ERG: variants seen among roughly 807,000 people sequenced by gnomAD.
ERG encodes the protein ETS transcription factor ERG.
A neutral mutation model predicts 55.3 loss-of-function variants in ERG; 9 were observed. The observed-to-expected ratio is 0.16, with a 90% CI of 0.10 to 0.28. ERG has a LOEUF of 0.28. Ranked by LOEUF, ERG falls within the 10% of genes least tolerant of loss-of-function variation. The pLI is 1.00. For synonymous variants in ERG, 223 were observed against 237.3 expected, an observed-to-expected ratio of 0.94 and a Z score of 0.55; for missense variants, 434 against 631.6, an observed-to-expected ratio of 0.69 and a Z score of 3.35.
chr21:38,589,248 G>A (rs2060085490), upstream of ERG, among the ~76,000 whole-genome samples: 1 of 152,202 alleles, frequency 6.6e-6, no homozygotes, highest in Non-Finnish European at 1.5e-5. Context: ...GCAGCCTGGG[G>A]AGAAGGCTCC....
intron 1 of ERG, among the ~76,000 whole-genome samples, chr21:38,457,435 C>CA (rs11323156): frequency 2.7e-4 from 38 of 140,116 alleles, no homozygotes; most frequent in South Asian, 9.2e-4. Context: ...GACTCTGTCT[C>CA]AAAAAAAAAA....
intron 1 of ERG, among the ~76,000 whole-genome samples, chr21:38,625,852 T>C (rs2060321029): frequency 1.3e-5 from 2 of 151,930 alleles, no homozygotes; most frequent in Non-Finnish European, 1.5e-5. Context: ...TAGAATAATC[T>C]GAGATGAAAC....
chr21:38,550,230 T>C (rs893281352), intron 2 of ERG, among the ~76,000 whole-genome samples: 2 of 152,170 alleles, frequency 1.3e-5, no homozygotes, highest in Admixed American at 6.5e-5. Flanking sequence ...GGCCCTGAGC[T>C]GTGGAAGCCC....
chr21:38,569,288 A>C (rs2059942888), intron 2 of ERG, among the ~76,000 whole-genome samples: 1 of 152,220 alleles, frequency 6.6e-6, no homozygotes, highest in African/African-American at 2.4e-5. Flanking sequence ...GTGCGGTGGA[A>C]AAACTCACAA....
At chr21:38,582,965 A>G (rs2060039422) in intron 1 of ERG, among the ~76,000 whole-genome samples, 1 of 152,230 alleles carries the variant, frequency 6.6e-6, no homozygotes, top group South Asian at 2.1e-4. Flanking sequence ...ATAAATTGCT[A>G]ATTTTCATAA....
chr21:38,537,237 A>G (rs1264813582), intron 2 of ERG, among the ~76,000 whole-genome samples: 2 of 152,190 alleles, frequency 1.3e-5, no homozygotes, highest in Non-Finnish European at 2.9e-5. Flanking sequence ...GAATAACTTC[A>G]TAACACTGGA....
At chr21:38,416,569 T>C (rs908625813) in intron 3 of ERG, among the ~76,000 whole-genome samples, 4 of 152,254 alleles carry the variant, frequency 2.6e-5, no homozygotes, top group Non-Finnish European at 4.4e-5. Context: ...TTAGCACTGA[T>C]TCCTAATTTC....
At chr21:38,509,347 C>T (rs1368430532) in intron 2 of ERG, among the ~76,000 whole-genome samples, 4 of 152,142 alleles carry the variant, frequency 2.6e-5, no homozygotes, top group South Asian at 2.1e-4. Flanking sequence ...TAAGCATTGT[C>T]GGTCACTGGA....
At chr21:38,461,994 T>C (rs12329825) in intron 1 of ERG, among the ~76,000 whole-genome samples, 1 of 151,630 alleles carries the variant, frequency 6.6e-6, no homozygotes, top group Non-Finnish European at 1.5e-5. Context: ...TTTCTTTTTC[T>C]TTTTTGAGAC....
At chr21:38,638,125 G>A (rs999506140) in intron 1 of ERG, among the ~76,000 whole-genome samples, 15 of 152,190 alleles carry the variant, frequency 9.9e-5, no homozygotes, top group African/African-American at 2.7e-4. Context: ...AAACTCCTCC[G>A]ATCTGGGTGC....
chr21:38,400,646 C>T lies in ERG; in HGVS notation c.674-1G>A, dbSNP rs755393180. 1.6e-5 allele frequency: 25 copies of T among 1,599,926 alleles called. No individual in the cohort carries two copies. In the Admixed American group the frequency reaches 2.0e-4, roughly 13 times the overall value. On this transcript the variant is annotated splice_acceptor_variant, in intron 5 of 9. Transcript: ENST00000288319. LOFTEE classifies it high-confidence loss of function. ...TTTGGGAAAATAAAAGCTGCACCCC[C>T]TGCAGACAAAAGGAAAGACAAACAT...
intron 9 of ERG, among the ~76,000 whole-genome samples, chr21:38,388,797 T>C (rs1987828614): frequency 6.6e-6 from 1 of 152,180 alleles, no homozygotes; most frequent in Non-Finnish European, 1.5e-5. Context: ...TCCGGTCTCC[T>C]TGCTCTGAGC....
chr21:38,640,541 G>A (rs905830270), intron 1 of ERG, among the ~76,000 whole-genome samples: 2 of 152,196 alleles, frequency 1.3e-5, no homozygotes, highest in Non-Finnish European at 2.9e-5. Context: ...TCTTGTGGCA[G>A]TGAATAAGTC....
chr21:38,487,695 G>A (rs1466735693), intron 1 of ERG, among the ~76,000 whole-genome samples: 1 of 152,194 alleles, frequency 6.6e-6, no homozygotes, highest in Non-Finnish European at 1.5e-5. Flanking sequence ...TGCTGGAGCT[G>A]TCTCATGGAG....
At chr21:38,660,936 G>C (rs1370384051) in intron 1 of ERG, among the ~76,000 whole-genome samples, 1 of 152,124 alleles carries the variant, frequency 6.6e-6, no homozygotes, top group Non-Finnish European at 1.5e-5. Flanking sequence ...GGCCGCGCGG[G>C]CAGGTTTGGA....
chr21:38,584,523 G>T lies in ERG; in HGVS notation c.-127+321C>A, dbSNP rs2060050380. Among the ~76,000 whole-genome samples, 3 of 152,310 alleles carry T rather than the reference G, an allele frequency of 2.0e-5. No individual in the cohort carries two copies. In the South Asian group the frequency reaches 6.2e-4, roughly 32 times the overall value. ...TAGCTTCTGGTTCCTCTGGAAAAGG[G>T]AGAAGAGAGTAGACAGTGATGGAGA... On this transcript the variant is annotated intron_variant, in intron 1 of 8. Coordinates refer to the ERG transcript ENST00000398897.
intron 1 of ERG, among the ~76,000 whole-genome samples, chr21:38,643,366 C>A (rs1203801780): frequency 6.6e-6 from 1 of 152,140 alleles, no homozygotes; most frequent in African/African-American, 2.4e-5. Flanking sequence ...CTGGACACAG[C>A]CAGTGAGCCC....
At chr21:38,604,248 C>T (rs1369442778) in intron 1 of ERG, among the ~76,000 whole-genome samples, 3 of 137,318 alleles carry the variant, frequency 2.2e-5, no homozygotes, top group Non-Finnish European at 4.6e-5. Context: ...AGCGAGACTC[C>T]GTCAAAAAAA....
intron 1 of ERG, among the ~76,000 whole-genome samples, chr21:38,608,370 G>A (rs2060207962): frequency 6.6e-6 from 1 of 152,196 alleles, no homozygotes; most frequent in South Asian, 2.1e-4. Flanking sequence ...TAGGGATAAA[G>A]ATGAGCAAAG....
Sources: allele counts gnomAD v4.1 joint callset (sites outside exome capture counted in the v4.1 genomes callset), GRCh38; gene constraint gnomAD v4.1.1; transcripts MANE v1.5; gene names NCBI Gene and HGNC (gene_info 2026-07-23, HGNC 2026-07-21).